FAM20A: variants seen among roughly 807,000 people sequenced by gnomAD.
FAM20A encodes the protein pseudokinase FAM20A.
A neutral mutation model predicts 52.0 loss-of-function variants in FAM20A; 42 were observed. The ratio of observed to expected loss-of-function variants is 0.81; its 90% confidence interval spans 0.63 to 1.04. The LOEUF (loss-of-function observed/expected upper bound fraction) is 1.04. Among genes scored for constraint, FAM20A ranks in the 50% least tolerant of loss-of-function variants. The pLI, the probability that FAM20A is intolerant of heterozygous loss-of-function variation, is 0.00. For synonymous variants in FAM20A, 304 were observed against 298.9 expected, an observed-to-expected ratio of 1.02 and a Z score of -0.18; for missense variants, 742 against 712.7, an observed-to-expected ratio of 1.04 and a Z score of -0.47.
chr17:68,553,793 CATACAT>C (rs2086947842), intron 3 of FAM20A, among the ~76,000 whole-genome samples: 1 of 103,610 alleles, frequency 9.7e-6, no homozygotes, highest in Non-Finnish European at 2.2e-5. Context: ...CATGTATACA[CATACAT>C]ATATACATAT....
At chr17:68,589,592 T>C (rs1422931934) in intron 1 of FAM20A, among the ~76,000 whole-genome samples, 1 of 152,144 alleles carries the variant, frequency 6.6e-6, no homozygotes, top group Non-Finnish European at 1.5e-5. Context: ...GTCTTGGGTT[T>C]GGGCACATCA....
chr17:68,582,075 G>A (rs935952538), intron 1 of FAM20A, among the ~76,000 whole-genome samples: 2 of 152,150 alleles, frequency 1.3e-5, no homozygotes, highest in African/African-American at 4.8e-5. Context: ...CCAGAGGCAC[G>A]GTTTGAAGGG....
At chr17:68,545,960 G>C (rs572089969) in intron 4 of FAM20A, among the ~76,000 whole-genome samples, 15 of 152,176 alleles carry the variant, frequency 9.9e-5, no homozygotes, top group African/African-American at 3.6e-4. Flanking sequence ...ACGAGGTCAG[G>C]TGATTGAGAC....
At chr17:68,551,116 C>T (rs2086815177) in intron 4 of FAM20A, 2 of 1,234,230 alleles carry the variant, frequency 1.6e-6, no homozygotes, top group Admixed American at 4.2e-5. Context: ...GAGCATTCCC[C>T]TGGGCTAAGG....
chr17:68,547,431 A>G (rs905688577), intron 4 of FAM20A, among the ~76,000 whole-genome samples: 1 of 152,140 alleles, frequency 6.6e-6, no homozygotes, highest in African/African-American at 2.4e-5. Flanking sequence ...TTCTTCCAAT[A>G]GAAGGCTGTT....
At chr17:68,546,800 A>G (rs1404615439) in intron 4 of FAM20A, among the ~76,000 whole-genome samples, 1 of 146,996 alleles carries the variant, frequency 6.8e-6, no homozygotes, top group Non-Finnish European at 1.5e-5. Flanking sequence ...ACTGGACTCC[A>G]GCCTGGGCGA....
intron 1 of FAM20A, among the ~76,000 whole-genome samples, chr17:68,588,484 C>T (rs1846076685): frequency 6.6e-6 from 1 of 152,240 alleles, no homozygotes. Flanking sequence ...CAAAATACCA[C>T]AGACTAGGTG....
chr17:68,558,684 T>A (rs184808972), intron 1 of FAM20A, among the ~76,000 whole-genome samples: 6 of 152,330 alleles, frequency 3.9e-5, no homozygotes, highest in East Asian at 1.9e-4. Flanking sequence ...CATCTTTTTT[T>A]AAAAAATAAA....
chr17:68,566,925 C>T lies in FAM20A; in HGVS notation c.405-11182G>A, dbSNP rs77456348. ...TTCCTTGGATTTACTTCTGCATCTTCGGTCACTTAGTCCGTGTCTCCTTTT... is the reference window on the plus strand; with the variant it reads ...TTCCTTGGATTTACTTCTGCATCTTTGGTCACTTAGTCCGTGTCTCCTTTT... On this transcript the variant is annotated intron_variant, in intron 1 of 10. Transcript: ENST00000592554. 2.6e-5 allele frequency among the ~76,000 whole-genome samples: 4 copies of T among 152,340 alleles called. No homozygotes were observed. In the East Asian group the frequency reaches 7.7e-4, roughly 29 times the overall value.
At chr17:68,543,023 A>G (rs1425072144) in intron 5 of FAM20A, among the ~76,000 whole-genome samples, 1 of 152,058 alleles carries the variant, frequency 6.6e-6, no homozygotes, top group Non-Finnish European at 1.5e-5. Context: ...TTGAAAATGA[A>G]TCCTTATTCC....
At chr17:68,550,398 A>G (rs1007134181) in intron 4 of FAM20A, among the ~76,000 whole-genome samples, 5 of 22,452 alleles carry the variant, frequency 2.2e-4, no homozygotes, top group South Asian at 1.3e-3. Context: ...TTTTTTTTTA[A>G]GATAGAGAGT....
At chr17:68,578,036 G>A (rs1417875481) in intron 1 of FAM20A, among the ~76,000 whole-genome samples, 1 of 151,692 alleles carries the variant, frequency 6.6e-6, no homozygotes, top group Non-Finnish European at 1.5e-5. Flanking sequence ...CACACTATTA[G>A]CAAGTGACAT....
rs750851059 is a variant in FAM20A at position 68,551,942 on chromosome 17, G to A, written c.650C>T (p.Pro217Leu). The change falls in exon 4 of 11, where the codon CCC becomes CTC. Residue 217 changes from proline (P) to leucine (L), a missense_variant. Transcript: ENST00000592554. ...GACDCTQIVK[P>L]SGVHLKLVLR... ...CACCAGCTTGAGGTGGACCCCACTG[G>A]GTTTCACAACTGTGAAAGGCAGAAG... 3.8e-6 allele frequency: 6 copies of A among 1,585,182 alleles called. No individual in the cohort carries two copies. The South Asian group carries it at 6.9e-5, about 18-fold the overall frequency.
At chr17:68,553,999 C>T (rs1042716022) in intron 3 of FAM20A, among the ~76,000 whole-genome samples, 6 of 129,608 alleles carry the variant, frequency 4.6e-5, no homozygotes, top group African/African-American at 1.9e-4. Context: ...CATATACACA[C>T]ATATATGCAT....
rs144915515 is a variant in FAM20A, at chr17:68,581,048, A to G, written c.404+19215T>C. Reference sequence around the variant, plus strand: ...AACTTTTGTATAAAAATAAAAAACTATGGTGCATAAGGAGGGATGAGTTGG... The same window carrying G: ...AACTTTTGTATAAAAATAAAAAACTGTGGTGCATAAGGAGGGATGAGTTGG... On this transcript the variant is annotated intron_variant, in intron 1 of 10. Transcript: ENST00000592554. 3.6e-3 allele frequency among the ~76,000 whole-genome samples: 547 copies of G among 152,300 alleles called. 6 individuals carry two copies. Among genetic ancestry groups the G allele is most frequent in the African/African-American group, 0.012 (519 of 41,552 alleles).
intron 2 of FAM20A, 23 bp downstream of exon 2, chr17:68,555,536 T>A: frequency 2.5e-6 from 4 of 1,612,152 alleles, no homozygotes; most frequent in Non-Finnish European, 3.4e-6. Flanking sequence ...CAGTCCCCCC[T>A]TGCTTGATCC....
chr17:68,540,783 G>C, intron 8 of FAM20A, 66 bp downstream of exon 8: 1 of 1,546,224 alleles, frequency 6.5e-7, no homozygotes, highest in Non-Finnish European at 8.7e-7. Flanking sequence ...TGTGCTCAAG[G>C]TCACGGGGAA....
chr17:68,571,369 T>C (rs2087530189), intron 1 of FAM20A, among the ~76,000 whole-genome samples: 1 of 152,208 alleles, frequency 6.6e-6, no homozygotes, highest in South Asian at 2.1e-4. Flanking sequence ...GATTATTAGA[T>C]GCTTGAACAC....
At chr17:68,539,834 G>T in intron 9 of FAM20A, 51 bp downstream of exon 9, 2 of 1,571,980 alleles carry the variant, frequency 1.3e-6, no homozygotes, top group Non-Finnish European at 1.7e-6. Flanking sequence ...TGGCTGCACA[G>T]AGCAGCACAT....
Sources: allele counts gnomAD v4.1 joint callset (sites outside exome capture counted in the v4.1 genomes callset), GRCh38; gene constraint gnomAD v4.1.1; transcripts MANE v1.5; gene names NCBI Gene and HGNC (gene_info 2026-07-23, HGNC 2026-07-21).